Variants in EIF2S3B observed in about 807,000 individuals in gnomAD.
EIF2S3B encodes the protein eukaryotic translation initiation factor 2 subunit gamma B.
EIF2S3B carries 16 observed loss-of-function variants against 26.4 expected under a neutral mutation model. The observed-to-expected ratio is 0.61, with a 90% CI of 0.41 to 0.92. EIF2S3B has a LOEUF of 0.92. Ranked by LOEUF, EIF2S3B falls within the 40% of genes least tolerant of loss-of-function variation. The pLI is 0.00. For synonymous variants in EIF2S3B, 183 were observed against 204.4 expected, an observed-to-expected ratio of 0.90 and a Z score of 0.89; for missense variants, 510 against 575.5, an observed-to-expected ratio of 0.89 and a Z score of 1.16.
At chr12:10,509,624 A>AT (rs1318390496), downstream of EIF2S3B, among the ~76,000 whole-genome samples, 1 of 152,024 alleles carries the variant, frequency 6.6e-6, no homozygotes, top group Non-Finnish European at 1.5e-5. Flanking sequence ...ACCAATTTTC[A>AT]TGAAATAAAT....
rs56222429 is a variant in EIF2S3B at position 10,508,115 on chromosome 12, G to C, written c.*794G>C. Among the ~76,000 whole-genome samples the C allele has an allele frequency of 0.039, 5,960 of 152,082 alleles. 398 individuals are homozygous for C. The highest frequency in any genetic ancestry group is 0.14 in the African/African-American group (5,597 of 41,436). ...CCATATTTTATGTTGCTTTATCTTT[G>C]AAATTTTGCATGAAAAGGATGCAAT... On this transcript the variant is annotated 3_prime_UTR_variant, in exon 1 of 1. Transcript: ENST00000538173.
At chr12:10,515,698 TAATC>T (rs1864747738) in intron 1 of EIF2S3B, among the ~76,000 whole-genome samples, 2 of 151,890 alleles carry the variant, frequency 1.3e-5, no homozygotes, top group African/African-American at 2.4e-5. Flanking sequence ...AAAAATGTAA[TAATC>T]AAAGATTCTC....
chr12:10,506,114 A>C lies in EIF2S3B; in HGVS notation c.212A>C (p.Asn71Thr), dbSNP rs752121351. The change falls in exon 1 of 1, where the codon AAT (asparagine) becomes ACT (threonine). Residue 71 changes from asparagine (N) to threonine (T), a missense_variant. Asn to Thr is a moderately conservative substitution (Grantham distance 65). Coordinates refer to ENST00000538173, the MANE Select transcript of EIF2S3B (RefSeq NM_001357734.3). ...GGAGTTCACACCGTCAGGTTCAAAAATGAACTAGAAAGAAATATTACAATC... is the reference window on the plus strand; with the variant it reads ...GGAGTTCACACCGTCAGGTTCAAAACTGAACTAGAAAGAAATATTACAATC... ...ISGVHTVRFK[N>T]ELERNITIKL... is the part of the protein sequence containing the mutation. The C allele has an allele frequency of 1.3e-6, 2 of 1,588,626 alleles. No homozygotes were observed. The highest frequency in any genetic ancestry group is 2.2e-5 in the South Asian group (2 of 90,584).
intron 1 of EIF2S3B, among the ~76,000 whole-genome samples, chr12:10,520,609 AG>A (rs1284458033): frequency 6.6e-6 from 1 of 152,188 alleles, no homozygotes; most frequent in Non-Finnish European, 1.5e-5. Flanking sequence ...ATATATTTTC[AG>A]AAAACAAGAA....
At chr12:10,519,518 TTAAAC>T in intron 1 of EIF2S3B, among the ~76,000 whole-genome samples, 1 of 151,982 alleles carries the variant, frequency 6.6e-6, no homozygotes, top group East Asian at 1.9e-4. Flanking sequence ...TGGGATCTAA[TTAAAC>T]TAAAGAGCTT....
At position 10,507,448 on chromosome 12, in the gene EIF2S3B, C is replaced by T. The variant is rs982097599; in HGVS notation, c.*127C>T. On this transcript the variant is annotated 3_prime_UTR_variant, in exon 1 of 1. Transcript: ENST00000538173. The stretch of plus-strand genomic sequence containing the variant: ...CACAGTTTGTTACCTTAGTAGGTAA[C>T]GGTAAGGTTATTCTCTCTTTTTTTT... The T allele has an allele frequency of 6.8e-5, 73 of 1,070,444 alleles. No individual in the cohort carries two copies. Among genetic ancestry groups the T allele is most frequent in the African/African-American group, 2.9e-4 (18 of 62,004 alleles). The allele number at this position is 1,070,444 out of a possible 1,614,324, so 66.3% of individuals were successfully genotyped here.
intron 1 of EIF2S3B, among the ~76,000 whole-genome samples, chr12:10,517,995 T>C (rs1218492842): frequency 6.6e-6 from 1 of 151,946 alleles, no homozygotes; most frequent in Non-Finnish European, 1.5e-5. Context: ...ATAATTTCTG[T>C]TCTTTTACAT....
chr12:10,506,947 C>G lies in EIF2S3B; in HGVS notation c.1045C>G (p.Arg349Gly), dbSNP rs771784426. The change falls in exon 1 of 1, where the codon CGG becomes GGG. Residue 349 changes from arginine (R) to glycine (G), a missense_variant. Transcript: ENST00000538173. The part of the protein sequence containing the change: ...VGTKIDPTLC[R>G]ADRMVGQILG... ...AACAAAAATTGACCCCACTTTGTGC[C>G]GGGCTGACAGAATGGTGGGGCAAAT... 5.7e-5 allele frequency: 92 copies of G among 1,613,700 alleles called. No individual in the cohort carries two copies. The highest frequency in any genetic ancestry group is 7.6e-5 in the Non-Finnish European group (90 of 1,179,726).
intron 1 of EIF2S3B, among the ~76,000 whole-genome samples, chr12:10,516,040 T>C (rs965479775): frequency 1.8e-4 from 27 of 151,960 alleles, no homozygotes; most frequent in Admixed American, 1.8e-3. Flanking sequence ...ATTTTATTTT[T>C]AAAATTTCAC....
In EIF2S3B at chr12:10,505,908, G is replaced by A. The variant is rs10845152; in HGVS notation, c.6G>A (p.Ala2=). The change falls in exon 1 of 1, where the codon GCG becomes GCA. Residue 2 remains alanine (A), a synonymous_variant. Coordinates refer to ENST00000538173, the MANE Select transcript of EIF2S3B (RefSeq NM_001357734.3). ...TTTCTTCCTCTTTTGGCAACATGGC[G>A]GGCGGAGAAGCTGGGGTGACTCTGG... M[A]GGEAGVTLGQ... is the part of the protein sequence containing the mutation. The A allele has an allele frequency of 0.22, 350,038 of 1,583,496 alleles. 40,968 individuals are homozygous for A. Among genetic ancestry groups the A allele is most frequent in the Middle Eastern group, 0.24 (1,437 of 5,994 alleles).
At chr12:10,521,896 A>G (rs1864836490) in intron 1 of EIF2S3B, among the ~76,000 whole-genome samples, 1 of 152,228 alleles carries the variant, frequency 6.6e-6, no homozygotes, top group South Asian at 2.1e-4. Flanking sequence ...TGAATCTAGG[A>G]AGCAGTTCTA....
chr12:10,516,240 T>C (rs536614258), intron 1 of EIF2S3B, among the ~76,000 whole-genome samples: 1 of 152,180 alleles, frequency 6.6e-6, no homozygotes, highest in Admixed American at 6.6e-5. Flanking sequence ...TCGTAGAGGT[T>C]CCACAGTTAT....
intron 1 of EIF2S3B, among the ~76,000 whole-genome samples, chr12:10,514,114 T>A (rs1296010653): frequency 6.6e-6 from 1 of 152,178 alleles, no homozygotes; most frequent in East Asian, 1.9e-4. Flanking sequence ...TAAAAAATAA[T>A]TTTTTTGAAC....
At chr12:10,511,235 C>T (rs1285030449), downstream of EIF2S3B, among the ~76,000 whole-genome samples, 2 of 150,894 alleles carry the variant, frequency 1.3e-5, no homozygotes, top group African/African-American at 4.9e-5. Flanking sequence ...TTGTGTTTTA[C>T]ATTTAAAGGA....
Position 10,507,216 on chromosome 12 carries a change from A to G in EIF2S3B, c.1314A>G (p.Gly438=). 1.9e-6 allele frequency: 3 copies of G among 1,613,962 alleles called. No individual in the cohort carries two copies. Among genetic ancestry groups the G allele is most frequent in the Non-Finnish European group, 1.7e-6 (2 of 1,179,830 alleles). ...CCAATCCAGTGTGCACAGAGGTAGG[A>G]GAAAAAATTGCCCTTAGCCGAAGAG... ...VLTNPVCTEV[G]EKIALSRRVE... is the part of the protein sequence containing the mutation. Residue 438 remains glycine, a synonymous_variant, in exon 1 of 1, where the codon GGA becomes GGG. Coordinates refer to ENST00000538173, the MANE Select transcript of EIF2S3B (RefSeq NM_001357734.3).
downstream of EIF2S3B, among the ~76,000 whole-genome samples, chr12:10,510,231 T>C (rs781571521): frequency 6.6e-6 from 1 of 152,160 alleles, no homozygotes; most frequent in Non-Finnish European, 1.5e-5. Flanking sequence ...TAATACCTAC[T>C]CCCCTTCCTC....
chr12:10,511,095 T>A (rs906458746), downstream of EIF2S3B, among the ~76,000 whole-genome samples: 1 of 152,050 alleles, frequency 6.6e-6, no homozygotes, highest in Non-Finnish European at 1.5e-5. Flanking sequence ...CAGAAGGGTT[T>A]AATTCTATGG....
exon 2 of EIF2S3B, chr12:10,522,745 C>A: frequency 1.5e-6 from 1 of 668,916 alleles, no homozygotes; most frequent in South Asian, 1.6e-5. Context: ...ACATGATCCC[C>A]TTTCTGCTCT....
At chr12:10,513,725 TC>T (rs1389301627) in intron 1 of EIF2S3B, among the ~76,000 whole-genome samples, 1 of 152,244 alleles carries the variant, frequency 6.6e-6, no homozygotes, top group East Asian at 1.9e-4. Context: ...CATATAAGAA[TC>T]ATATAAGGCC....
Sources: allele counts gnomAD v4.1 joint callset (sites outside exome capture counted in the v4.1 genomes callset), GRCh38; gene constraint gnomAD v4.1.1; transcripts MANE v1.5; gene names NCBI Gene and HGNC (gene_info 2026-07-23, HGNC 2026-07-21).